PHC2: variants seen among roughly 807,000 people sequenced by gnomAD.
PHC2 encodes the protein polyhomeotic homolog 2.
In PHC2, 29 loss-of-function variants were observed where a neutral mutation model predicts 87.4. The ratio of observed to expected loss-of-function variants is 0.33; its 90% CI spans 0.25 to 0.45. PHC2 has a LOEUF of 0.45. Among genes scored for constraint, PHC2 ranks in the 20% least tolerant of loss-of-function variants. PHC2 has a pLI of 1.00. For synonymous variants in PHC2, 438 were observed against 461.7 expected (o/e 0.95, Z 0.66); for missense variants, 857 against 1,136.7 (o/e 0.75, Z 3.54).
chr1:33,427,917 C>A (rs1399290198), intron 1 of PHC2, among the ~76,000 whole-genome samples: 1 of 152,204 alleles, frequency 6.6e-6, no homozygotes, highest in Non-Finnish European at 1.5e-5. Flanking sequence ...TGGGATGTAT[C>A]TTCAAGCTTC....
At position 33,349,806 on chromosome 1, in the gene PHC2, G is replaced by A. The variant is rs1396890123; in HGVS notation, c.1558+4595C>T. 3 of 977,204 alleles carry A rather than the reference G, an allele frequency of 3.1e-6. No individual in the cohort carries two copies. Among genetic ancestry groups the A allele is most frequent in the South Asian group, 4.6e-5 (1 of 21,848 alleles). 60.5% of individuals were successfully genotyped at this position (977,204 alleles called of 1,614,324 possible). A position where few individuals can be genotyped will look rare whatever the true frequency, so the allele number is the denominator to read the frequency against. On this transcript the variant is annotated intron_variant, in intron 9 of 14. Coordinates refer to ENST00000683057, the MANE Select transcript of PHC2 (RefSeq NM_001385109.1). The surrounding 1 kb of genome is among the most constrained non-coding windows in gnomAD (Gnocchi z 4.2). ...GCCGGGGCGCGAGGCCGGGACGGGG[G>A]CGCGAGGCCGGGGCGGGAGCGCGGG... is the stretch of plus-strand genomic sequence containing the variant.
Position 33,369,564 on chromosome 1 carries a change from C to T in PHC2, c.576+857G>A, listed in dbSNP as rs750928188. 5.3e-5 allele frequency among the ~76,000 whole-genome samples: 8 copies of T among 152,126 alleles called. No individual in the cohort carries two copies. The highest frequency in any genetic ancestry group is 2.1e-4 in the South Asian group (1 of 4,826). On this transcript the variant is annotated intron_variant, in intron 5 of 14. Coordinates refer to ENST00000683057, the MANE Select transcript of PHC2 (RefSeq NM_001385109.1). This position sits in a 1 kb window ranked among gnomAD's most constrained non-coding sequence, Gnocchi z 4.7. ...AGGCTGTTCCCTGGGGATAGAGATG[C>T]GCCTCAAATGATGAACTCAGAGCCA...
At chr1:33,415,981 CTG>C (rs1237629698) in intron 1 of PHC2, among the ~76,000 whole-genome samples, 2 of 152,028 alleles carry the variant, frequency 1.3e-5, no homozygotes, top group Non-Finnish European at 2.9e-5. Context: ...ACACAGGAGA[CTG>C]AATACAAATG....
rs376278733 is a variant in PHC2, at chr1:33,375,555, G to A, written c.-16C>T. ...CATTCTCCATGGCCTGCAGTGTGGC[G>A]CAGTCAGGGCGCTCGGATGGCAGAA... On this transcript the variant is annotated 5_prime_UTR_variant, in exon 2 of 15. Coordinates refer to ENST00000683057, the MANE Select transcript of PHC2 (RefSeq NM_001385109.1). The A allele has an allele frequency of 8.7e-5, 129 of 1,490,162 alleles. No homozygotes were observed. The highest frequency in any genetic ancestry group is 1.8e-4 in the African/African-American group (13 of 70,632). 92.3% of individuals were successfully genotyped at this position (1,490,162 alleles called of 1,614,324 possible). A position where few individuals can be genotyped will look rare whatever the true frequency, so the allele number is the denominator to read the frequency against.
At chr1:33,430,389 C>G (rs1303165024) in intron 1 of PHC2, among the ~76,000 whole-genome samples, 1 of 152,212 alleles carries the variant, frequency 6.6e-6, no homozygotes, top group Non-Finnish European at 1.5e-5. Flanking sequence ...GTTCCCTCTG[C>G]TGGTGCCCCC....
chr1:33,388,239 A>G (rs1238081007), intron 1 of PHC2, among the ~76,000 whole-genome samples: 1 of 151,862 alleles, frequency 6.6e-6, no homozygotes, highest in Non-Finnish European at 1.5e-5. Context: ...TCTCTGCCCC[A>G]GCTAGAAGAC....
intron 9 of PHC2, among the ~76,000 whole-genome samples, chr1:33,344,427 T>A (rs544319510): frequency 6.6e-6 from 1 of 152,310 alleles, no homozygotes; most frequent in East Asian, 1.9e-4. Flanking sequence ...ATGGACTACA[T>A]ACTACATACC....
intron 2 of PHC2, among the ~76,000 whole-genome samples, chr1:33,373,727 C>A (rs1244599951): frequency 6.6e-6 from 1 of 152,148 alleles, no homozygotes; most frequent in Admixed American, 6.5e-5. Flanking sequence ...CTTCACCAGG[C>A]TTCCCCCTAT....
rs147420888 is a variant in PHC2, at chr1:33,328,207, C to T, written c.2425+663G>A. ...CCTCTTACAGCTGGCTCCTAGATCC[C>T]GGGCCTCACCACCACTTGTGCTCCA... On this transcript the variant is annotated intron_variant, in intron 14 of 14. Transcript: ENST00000683057. Among the ~76,000 whole-genome samples, 263 of 152,204 alleles carry T rather than the reference C, an allele frequency of 1.7e-3. 1 individual carries two copies. In the East Asian group the frequency reaches 0.04, roughly 23 times the overall value.
chr1:33,334,102 C>T lies in PHC2; in HGVS notation c.1749G>A (p.Ala583=), dbSNP rs746235388. The change falls in exon 10 of 15, where the codon GCG becomes GCA. Residue 583 remains alanine, a synonymous_variant. Transcript: ENST00000683057. This position sits in a 1 kb window ranked among gnomAD's most constrained non-coding sequence, Gnocchi z 5.5. ...AAGTAGTCCGTACCGGGAAAGGCTCCGCCCCCTCCTGGATCACAAACCCTT... is the reference window on the plus strand; with the variant it reads ...AAGTAGTCCGTACCGGGAAAGGCTCTGCCCCCTCCTGGATCACAAACCCTT... The part of the protein sequence containing the change: ...VIEGFVIQEG[A]EPFPVGRSSL... The T allele has an allele frequency of 9.9e-6, 16 of 1,609,036 alleles. No homozygotes were observed. Among genetic ancestry groups the T allele is most frequent in the East Asian group, 8.9e-5 (4 of 44,804 alleles).
intron 1 of PHC2, among the ~76,000 whole-genome samples, chr1:33,414,217 A>G (rs992798467): frequency 1.5e-4 from 22 of 151,256 alleles, no homozygotes; most frequent in African/African-American, 4.9e-4. Context: ...ACACACACAC[A>G]CAAGAAAGGT....
chr1:33,335,328 G>A lies in PHC2; in HGVS notation c.1559-1036C>T, dbSNP rs771001510. ...GTTCTCTACCACCATCAACTGCCCC[G>A]TGAGCTGAGGCTGCCTTTAACCTGG... On this transcript the variant is annotated intron_variant, in intron 9 of 14. Transcript: ENST00000683057. The A allele has an allele frequency of 9.2e-5, 91 of 985,354 alleles. No homozygotes were observed. In the Middle Eastern group the frequency reaches 2.1e-3, roughly 23 times the overall value. 61.0% of individuals were successfully genotyped at this position (985,354 alleles called of 1,614,324 possible). A position where few individuals can be genotyped will look rare whatever the true frequency, so the allele number is the denominator to read the frequency against.
chr1:33,398,882 A>C (rs1021874021), intron 1 of PHC2, among the ~76,000 whole-genome samples: 1 of 152,156 alleles, frequency 6.6e-6, no homozygotes, highest in Admixed American at 6.5e-5. Flanking sequence ...ATTGACCATG[A>C]AGTGTTCTTG....
Position 33,371,036 on chromosome 1 carries a change from G to A in PHC2, c.392C>T (p.Ala131Val), listed in dbSNP as rs923826580. The A allele has an allele frequency of 6.2e-7, 1 of 1,614,018 alleles. No homozygotes were observed. Among genetic ancestry groups the A allele is most frequent in the Non-Finnish European group, 8.5e-7 (1 of 1,179,926 alleles). Residue 131 changes from alanine to valine, a missense_variant, in exon 4 of 15, where the codon GCC becomes GTC. Physicochemically the swap from Ala to Val is moderately conservative, Grantham distance 64. Coordinates refer to ENST00000683057, the MANE Select transcript of PHC2 (RefSeq NM_001385109.1). ...ACTCACCGAAGATGACTGGGCCGGG[G>A]CCTGCGCAGACACATTGCTGCCTGA... ...STSGSNVSAQAPAQSSSINLA... is the reference protein window; with the variant it reads ...STSGSNVSAQVPAQSSSINLA...
At chr1:33,393,507 A>G (rs1649166068) in intron 1 of PHC2, among the ~76,000 whole-genome samples, 1 of 124,656 alleles carries the variant, frequency 8.0e-6, no homozygotes, top group African/African-American at 3.1e-5. Flanking sequence ...TGAGCATTTG[A>G]TGTAAATCTT....
At chr1:33,425,441 G>C (rs768665086) in intron 1 of PHC2, among the ~76,000 whole-genome samples, 1 of 152,204 alleles carries the variant, frequency 6.6e-6, no homozygotes, top group East Asian at 1.9e-4. Flanking sequence ...CATTTACTGA[G>C]CATCTGTGAC....
intron 1 of PHC2, among the ~76,000 whole-genome samples, chr1:33,381,635 A>G (rs1648497399): frequency 3.3e-5 from 5 of 151,392 alleles, no homozygotes; most frequent in Non-Finnish European, 7.4e-5. Flanking sequence ...CCAAAGCCAG[A>G]GCGCTTCCCA....
chr1:33,371,733 C>T (rs58107686), intron 3 of PHC2, among the ~76,000 whole-genome samples: 81 of 152,144 alleles, frequency 5.3e-4, no homozygotes, highest in Non-Finnish European at 7.6e-4. Context: ...TCTTTCATGG[C>T]GCTTATTGTA....
intron 9 of PHC2, among the ~76,000 whole-genome samples, chr1:33,344,706 C>T (rs766830397): frequency 3.9e-5 from 6 of 152,166 alleles, no homozygotes; most frequent in East Asian, 1.9e-4. Context: ...CACACTTAAG[C>T]GATCCTCCCA....
Sources: allele counts gnomAD v4.1 joint callset (sites outside exome capture counted in the v4.1 genomes callset), GRCh38; gene constraint gnomAD v4.1.1; non-coding constraint Gnocchi (gnomAD v3.1); transcripts MANE v1.5; gene names NCBI Gene and HGNC (gene_info 2026-07-23, HGNC 2026-07-21).